Variants in PDZRN4 observed in about 807,000 individuals in gnomAD.
The protein encoded by PDZRN4 is PDZ domain-containing RING finger protein 4.
Under a neutral mutation model 99.0 loss-of-function variants are expected in PDZRN4, and 70 were observed. The ratio of observed to expected loss-of-function variants is 0.71; its 90% CI spans 0.58 to 0.86. PDZRN4 has a LOEUF of 0.86. Among genes scored for constraint, PDZRN4 ranks in the 40% least tolerant of loss-of-function variants. PDZRN4 has a pLI of 0.00. For missense variants in PDZRN4, 1,474 were observed against 1,331.2 expected, an observed-to-expected ratio of 1.11 and a Z score of -1.67; for synonymous variants, 551 against 501.6, an observed-to-expected ratio of 1.10 and a Z score of -1.32.
At position 41,236,009 on chromosome 12, in the gene PDZRN4, G is replaced by A. The variant is rs369509791; in HGVS notation, c.843+41821G>A. 2.2e-4 allele frequency among the ~76,000 whole-genome samples: 34 copies of A among 152,076 alleles called. No homozygotes were observed. The South Asian group carries it at 5.8e-3, about 26-fold the overall frequency. On this transcript the variant is annotated intron_variant, in intron 3 of 9. Coordinates refer to ENST00000402685, the MANE Select transcript of PDZRN4 (RefSeq NM_001164595.2). ...TTTCAGGAATCAAATTAATCCCAGA[G>A]AAAATAAACTCTACATTTATTTGAA...
At chr12:41,293,630 G>C (rs956418500) in intron 3 of PDZRN4, among the ~76,000 whole-genome samples, 1 of 152,126 alleles carries the variant, frequency 6.6e-6, no homozygotes, top group African/African-American at 2.4e-5. Context: ...TGTACTCCAA[G>C]TAGAGGCAGA....
chr12:41,401,659 T>C (rs970844357), intron 3 of PDZRN4, among the ~76,000 whole-genome samples: 1 of 152,158 alleles, frequency 6.6e-6, no homozygotes, highest in African/African-American at 2.4e-5. Flanking sequence ...ATCTACCTTG[T>C]TATAATACGT....
chr12:41,387,488 G>A (rs1952179317), intron 3 of PDZRN4, among the ~76,000 whole-genome samples: 1 of 152,140 alleles, frequency 6.6e-6, no homozygotes, highest in East Asian at 1.9e-4. Context: ...GAGAGGCTGA[G>A]GCAGGAGTAT....
intron 3 of PDZRN4, among the ~76,000 whole-genome samples, chr12:41,238,622 A>G (rs1951083040): frequency 6.6e-6 from 1 of 152,158 alleles, no homozygotes; most frequent in East Asian, 1.9e-4. Flanking sequence ...GCACAAGAAA[A>G]AAAGCTCAAC....
intron 3 of PDZRN4, among the ~76,000 whole-genome samples, chr12:41,304,950 T>C (rs568971649): frequency 8.5e-5 from 13 of 152,282 alleles, no homozygotes; most frequent in Non-Finnish European, 1.6e-4. Flanking sequence ...ATATGACTAT[T>C]AGGTGGGCTA....
chr12:41,278,595 C>A (rs1951364637), intron 3 of PDZRN4, among the ~76,000 whole-genome samples: 1 of 152,106 alleles, frequency 6.6e-6, no homozygotes, highest in South Asian at 2.1e-4. Context: ...TGAAAGCAGT[C>A]CCATAGCTTC....
chr12:41,220,864 A>C (rs1950950859), intron 3 of PDZRN4, among the ~76,000 whole-genome samples: 1 of 152,202 alleles, frequency 6.6e-6, no homozygotes, highest in Non-Finnish European at 1.5e-5. Context: ...TGGAAGCAAA[A>C]TGAAATACTA....
At chr12:41,208,022 C>T (rs1019239571) in intron 3 of PDZRN4, among the ~76,000 whole-genome samples, 2 of 151,516 alleles carry the variant, frequency 1.3e-5, no homozygotes, top group African/African-American at 4.8e-5. Context: ...TTTGTAATAG[C>T]TTTCATTATT....
chr12:41,278,395 A>G (rs1360558738), intron 3 of PDZRN4, among the ~76,000 whole-genome samples: 1 of 152,242 alleles, frequency 6.6e-6, no homozygotes, highest in East Asian at 1.9e-4. Flanking sequence ...GGGTTAATGT[A>G]CACACATTAG....
chr12:41,512,627 ACT>A (rs1446721525), intron 5 of PDZRN4, among the ~76,000 whole-genome samples: 1 of 151,916 alleles, frequency 6.6e-6, no homozygotes, highest in African/African-American at 2.4e-5. Flanking sequence ...AGTTGCTTTG[ACT>A]CTGAGATGGG....
At chr12:41,296,223 A>AT (rs576743308) in intron 3 of PDZRN4, among the ~76,000 whole-genome samples, 42 of 152,298 alleles carry the variant, frequency 2.8e-4, no homozygotes, top group African/African-American at 9.1e-4. Flanking sequence ...ATTCTAAAGG[A>AT]TTTCATTAAA....
chr12:41,312,888 C>T (rs961671430), intron 3 of PDZRN4, among the ~76,000 whole-genome samples: 5 of 152,144 alleles, frequency 3.3e-5, no homozygotes, highest in South Asian at 2.1e-4. Context: ...CTGCAGCCCC[C>T]GGAGGCTAGC....
intron 5 of PDZRN4, among the ~76,000 whole-genome samples, chr12:41,549,880 T>C (rs1565612393): frequency 6.6e-6 from 1 of 151,934 alleles, no homozygotes; most frequent in Non-Finnish European, 1.5e-5. Flanking sequence ...TGAAAGGAAA[T>C]AGGAGGGTGT....
intron 3 of PDZRN4, among the ~76,000 whole-genome samples, chr12:41,492,523 AT>A (rs899800931): frequency 9.9e-5 from 15 of 151,990 alleles, no homozygotes; most frequent in Admixed American, 2.0e-4. Flanking sequence ...TTGCTTTGTG[AT>A]TTGAGCATTT....
intron 5 of PDZRN4, among the ~76,000 whole-genome samples, chr12:41,524,597 G>A (rs899294962): frequency 6.6e-6 from 1 of 152,098 alleles, no homozygotes; most frequent in Non-Finnish European, 1.5e-5. Flanking sequence ...TTGGAATGGT[G>A]TTTATAGAAG....
chr12:41,217,933 A>G (rs138281823), intron 3 of PDZRN4, among the ~76,000 whole-genome samples: 198 of 152,222 alleles, frequency 1.3e-3, no homozygotes, highest in African/African-American at 4.5e-3. Context: ...CCCACAGAGC[A>G]CTGCCTTCCC....
chr12:41,444,516 G>C (rs1481389810), intron 3 of PDZRN4, among the ~76,000 whole-genome samples: 1 of 152,080 alleles, frequency 6.6e-6, no homozygotes, highest in Non-Finnish European at 1.5e-5. Flanking sequence ...TATATTCTCA[G>C]CATTGGCTTA....
chr12:41,445,992 T>C (rs1952724231), intron 3 of PDZRN4, among the ~76,000 whole-genome samples: 1 of 152,058 alleles, frequency 6.6e-6, no homozygotes, highest in Non-Finnish European at 1.5e-5. Flanking sequence ...TCTTCTTTAT[T>C]AATTCTATCA....
intron 3 of PDZRN4, among the ~76,000 whole-genome samples, chr12:41,461,494 C>T (rs942838737): frequency 1.3e-5 from 2 of 152,182 alleles, no homozygotes; most frequent in Non-Finnish European, 2.9e-5. Flanking sequence ...TAACAGCCTA[C>T]AGTGTTGCTT....
Sources: gnomAD v4.1 joint callset for allele counts (sites outside exome capture counted in the v4.1 genomes callset) on GRCh38, gnomAD v4.1.1 for gene constraint, MANE v1.5 for transcripts, NCBI Gene and HGNC (gene_info 2026-07-23, HGNC 2026-07-21) for gene names.